Variants in NELL2 observed in about 807,000 individuals in gnomAD.
NELL2 encodes the protein protein kinase C-binding protein NELL2.
Under a neutral mutation model 109.6 loss-of-function variants are expected in NELL2, and 41 were observed. That is an observed-to-expected ratio of 0.37 (90% confidence interval 0.29 to 0.49). The LOEUF is 0.49. NELL2 is among the 20% of genes least tolerant of loss of function. NELL2 has a pLI of 0.98. For missense variants in NELL2, 900 were observed against 1,008.3 expected, an observed-to-expected ratio of 0.89 and a Z score of 1.45; for synonymous variants, 355 against 344.7, an observed-to-expected ratio of 1.03 and a Z score of -0.33.
chr12:44,618,336 TCTC>T (rs777767941), intron 13 of NELL2, among the ~76,000 whole-genome samples: 1 of 152,162 alleles, frequency 6.6e-6, no homozygotes, highest in Non-Finnish European at 1.5e-5. Flanking sequence ...CTGATTTTCT[TCTC>T]CTGACATGCT....
intron 1 of NELL2, among the ~76,000 whole-genome samples, chr12:44,904,276 G>A (rs78204313): frequency 2.6e-5 from 4 of 152,202 alleles, no homozygotes; most frequent in African/African-American, 7.2e-5. Context: ...CATTGTAATA[G>A]ATATAATGCT....
chr12:44,842,109 GAGGA>G (rs1204151112), intron 2 of NELL2, among the ~76,000 whole-genome samples: 18 of 38,756 alleles, frequency 4.6e-4, no homozygotes, highest in South Asian at 2.4e-3. Flanking sequence ...GGGAGGGAGG[GAGGA>G]AGGAAGGAAG....
intron 1 of NELL2, among the ~76,000 whole-genome samples, chr12:44,897,361 G>A (rs948554236): frequency 7.2e-5 from 11 of 152,084 alleles, no homozygotes; most frequent in African/African-American, 2.4e-4. Flanking sequence ...CCGGTCTACA[G>A]CTCCCAGCAA....
intron 1 of NELL2, among the ~76,000 whole-genome samples, chr12:44,900,401 TAACA>T (rs1566606652): frequency 6.6e-6 from 1 of 152,116 alleles, no homozygotes; most frequent in African/African-American, 2.4e-5. Context: ...ATGGAAATCA[TAACA>T]AACAGTCTCT....
chr12:44,712,215 A>C (rs2136436675), intron 10 of NELL2, among the ~76,000 whole-genome samples: 1 of 152,198 alleles, frequency 6.6e-6, no homozygotes, highest in Non-Finnish European at 1.5e-5. Context: ...TTCCATGTTA[A>C]CTACTGCTCA....
chr12:44,616,597 A>G (rs1168343089), intron 13 of NELL2, among the ~76,000 whole-genome samples: 2 of 152,164 alleles, frequency 1.3e-5, no homozygotes, highest in South Asian at 2.1e-4. Context: ...AGCTTATAAC[A>G]ACAGTATCAA....
At chr12:44,660,270 A>T (rs949952820) in intron 13 of NELL2, among the ~76,000 whole-genome samples, 2 of 152,174 alleles carry the variant, frequency 1.3e-5, no homozygotes, top group Non-Finnish European at 2.9e-5. Flanking sequence ...GGATTTCCCA[A>T]CCTTGGGACT....
At chr12:44,599,041 T>A (rs1439601035) in intron 15 of NELL2, among the ~76,000 whole-genome samples, 1 of 152,146 alleles carries the variant, frequency 6.6e-6, no homozygotes, top group Non-Finnish European at 1.5e-5. Flanking sequence ...ATTTATATAA[T>A]TTGTGTGGCA....
chr12:44,611,159 T>C (rs1816295206), intron 13 of NELL2, among the ~76,000 whole-genome samples, 189 bp from the exon 14 acceptor site: 1 of 152,042 alleles, frequency 6.6e-6, no homozygotes, highest in Non-Finnish European at 1.5e-5. Flanking sequence ...AGTTCACACA[T>C]TCACAAACAT....
In NELL2 at chr12:44,535,195, T is replaced by C. The variant is rs532641899; in HGVS notation, c.1664-2474A>G. Among the ~76,000 whole-genome samples the C allele has an allele frequency of 3.3e-5, 5 of 152,186 alleles. 1 individual carries two copies. The highest frequency in any genetic ancestry group is 1.2e-4 in the African/African-American group (5 of 41,566). Reference sequence around the variant, plus strand: ...ATTATCTTATTTAATTATTACTTTGTAATAGGATTATAGAAGATGAATAGG... The same window carrying C: ...ATTATCTTATTTAATTATTACTTTGCAATAGGATTATAGAAGATGAATAGG... On this transcript the variant is annotated intron_variant, in intron 15 of 19. Transcript: ENST00000429094.
chr12:44,683,911 G>A (rs1948619942), intron 12 of NELL2, among the ~76,000 whole-genome samples: 1 of 152,152 alleles, frequency 6.6e-6, no homozygotes, highest in African/African-American at 2.4e-5. Flanking sequence ...CCAGGCTTTG[G>A]TATCAGGATG....
chr12:44,556,960 G>A (rs1943281965), intron 15 of NELL2, among the ~76,000 whole-genome samples: 1 of 152,136 alleles, frequency 6.6e-6, no homozygotes, highest in South Asian at 2.1e-4. Flanking sequence ...ATGGTGAAGG[G>A]ATTTGTTTGT....
chr12:44,617,548 C>T (rs558309660), intron 13 of NELL2, among the ~76,000 whole-genome samples: 4 of 135,638 alleles, frequency 2.9e-5, no homozygotes, highest in South Asian at 2.1e-4. Flanking sequence ...AAAAATTAGC[C>T]GGGCGTAGTG....
At chr12:44,757,037 C>T (rs1228076822) in intron 9 of NELL2, among the ~76,000 whole-genome samples, 2 of 152,130 alleles carry the variant, frequency 1.3e-5, no homozygotes, top group African/African-American at 4.8e-5. Flanking sequence ...ATCTAATTGC[C>T]CTCCAGTATT....
intron 12 of NELL2, among the ~76,000 whole-genome samples, chr12:44,692,135 GGTTGACTCTCTT>G (rs1374882988): frequency 6.6e-6 from 1 of 152,152 alleles, no homozygotes; most frequent in Non-Finnish European, 1.5e-5. Context: ...TCCAAGGAGA[GGTTGACTCTCTT>G]GTTAGGGGCT....
chr12:44,632,260 C>G (rs1203993361), intron 13 of NELL2, among the ~76,000 whole-genome samples: 1 of 152,096 alleles, frequency 6.6e-6, no homozygotes, highest in African/African-American at 2.4e-5. Context: ...ACATCAGATA[C>G]AAGTCAGGTG....
chr12:44,791,080 T>C (rs138810676), intron 3 of NELL2, among the ~76,000 whole-genome samples: 1,292 of 30,938 alleles, frequency 0.042, 108 homozygotes, highest in African/African-American at 0.1. Context: ...TATATATATA[T>C]ACATATATAT....
intron 19 of NELL2, among the ~76,000 whole-genome samples, chr12:44,518,409 T>G (rs919012355): frequency 6.6e-6 from 1 of 152,122 alleles, no homozygotes; most frequent in African/African-American, 2.4e-5. Flanking sequence ...CATGCCTGGC[T>G]AATTTTTTGT....
intron 1 of NELL2, among the ~76,000 whole-genome samples, chr12:44,892,940 C>T (rs1221503029): frequency 1.3e-5 from 2 of 151,866 alleles, no homozygotes; most frequent in Non-Finnish European, 2.9e-5. Context: ...AATCATAATC[C>T]TACAGAGGAT....
Sources: allele counts gnomAD v4.1 joint callset (sites outside exome capture counted in the v4.1 genomes callset), GRCh38; gene constraint gnomAD v4.1.1; transcripts MANE v1.5; gene names NCBI Gene and HGNC (gene_info 2026-07-23, HGNC 2026-07-21).